Variants in MAF observed in about 807,000 individuals in gnomAD.
MAF encodes transcription factor Maf.
In MAF, 10 loss-of-function variants were observed where a neutral mutation model predicts 22.0. The ratio of observed to expected loss-of-function variants is 0.45; its 90% CI spans 0.28 to 0.77. MAF has a LOEUF of 0.77. Ranked by LOEUF, MAF falls within the 30% of genes least tolerant of loss-of-function variation. MAF has a pLI of 0.12. For missense variants in MAF, 544 were observed against 548.4 expected (o/e 0.99, Z 0.08); for synonymous variants, 337 against 255.8 (o/e 1.32, Z -3.03).
At chr16:79,543,468 C>G in the MAF span, among the ~76,000 whole-genome samples, 2 of 152,176 alleles carry the variant, frequency 1.3e-5, no homozygotes, top group African/African-American at 2.4e-5. Context: ...AGCGGATGTT[C>G]AACAAATGTC....
the MAF span, among the ~76,000 whole-genome samples, chr16:79,548,926 C>T: frequency 6.6e-6 from 1 of 152,182 alleles, no homozygotes; most frequent in Non-Finnish European, 1.5e-5. Context: ...AGGATATTCA[C>T]TAGCTAGTTA....
At chr16:79,266,710 G>A in the MAF span, among the ~76,000 whole-genome samples, 3 of 152,210 alleles carry the variant, frequency 2.0e-5, no homozygotes, top group African/African-American at 7.2e-5. Flanking sequence ...ATTGGGCTGG[G>A]TGGATTTATT....
At chr16:79,321,035 CT>C in the MAF span, among the ~76,000 whole-genome samples, 1 of 152,194 alleles carries the variant, frequency 6.6e-6, no homozygotes, top group African/African-American at 2.4e-5. Context: ...ATCTCGATCT[CT>C]TTTGCTCACT....
the MAF span, among the ~76,000 whole-genome samples, chr16:79,363,197 T>C: frequency 0.034 from 5,064 of 150,314 alleles, 233 homozygotes; most frequent in African/African-American, 0.12. Flanking sequence ...TGAACAAGGG[T>C]AGGGGGGTGG....
chr16:79,573,099 C>G, the MAF span, among the ~76,000 whole-genome samples: 1 of 152,210 alleles, frequency 6.6e-6, no homozygotes, highest in African/African-American at 2.4e-5. Context: ...CCATTCTTCT[C>G]TGGACATTTT....
the MAF span, among the ~76,000 whole-genome samples, chr16:79,552,644 G>C: frequency 6.6e-6 from 1 of 152,034 alleles, no homozygotes; most frequent in Non-Finnish European, 1.5e-5. Context: ...TGGGCCCCTC[G>C]GTGTTCAGGA....
the MAF span, among the ~76,000 whole-genome samples, chr16:79,437,894 G>A: frequency 6.6e-6 from 1 of 152,072 alleles, no homozygotes; most frequent in Non-Finnish European, 1.5e-5. Flanking sequence ...ACCTAGAGTG[G>A]GACACAGGCC....
chr16:79,315,891 G>C, the MAF span, among the ~76,000 whole-genome samples: 1 of 152,130 alleles, frequency 6.6e-6, no homozygotes, highest in African/African-American at 2.4e-5. Flanking sequence ...TGCATGCCTG[G>C]TGCTCCCATC....
At chr16:79,432,224 C>G in the MAF span, among the ~76,000 whole-genome samples, 2 of 152,138 alleles carry the variant, frequency 1.3e-5, no homozygotes, top group Non-Finnish European at 2.9e-5. Flanking sequence ...CATTCTCTCT[C>G]CTGCCGCCCT....
At chr16:79,337,560 T>G in the MAF span, among the ~76,000 whole-genome samples, 1 of 47,166 alleles carries the variant, frequency 2.1e-5, no homozygotes, top group Non-Finnish European at 4.3e-5. Context: ...AGAGCGAGAT[T>G]CCGTCTCAAA....
chr16:79,309,388 T>G, the MAF span, among the ~76,000 whole-genome samples: 1 of 152,180 alleles, frequency 6.6e-6, no homozygotes, highest in East Asian at 1.9e-4. Flanking sequence ...CACCTTCATC[T>G]CTCCAGAAGG....
chr16:79,267,913 C>T, the MAF span, among the ~76,000 whole-genome samples: 140 of 151,856 alleles, frequency 9.2e-4, no homozygotes, highest in African/African-American at 3.1e-3. Context: ...CCACCTGGCC[C>T]GTTCTCAGGT....
At chr16:79,527,290 T>C in the MAF span, among the ~76,000 whole-genome samples, 2 of 152,184 alleles carry the variant, frequency 1.3e-5, no homozygotes, top group African/African-American at 4.8e-5. Flanking sequence ...TGTCTCCAAA[T>C]ATAGCTCTAA....
chr16:79,468,364 C>T, the MAF span, among the ~76,000 whole-genome samples: 1 of 152,232 alleles, frequency 6.6e-6, no homozygotes, highest in Non-Finnish European at 1.5e-5. Context: ...AACTAAAATG[C>T]TGACTCTGCT....
the MAF span, among the ~76,000 whole-genome samples, chr16:79,230,248 T>G: frequency 8.5e-5 from 13 of 152,108 alleles, no homozygotes; most frequent in African/African-American, 3.1e-4. Flanking sequence ...GAAGCTCTCT[T>G]TGGCATTCTG....
At chr16:79,547,112 G>C in the MAF span, among the ~76,000 whole-genome samples, 1 of 152,012 alleles carries the variant, frequency 6.6e-6, no homozygotes, top group Non-Finnish European at 1.5e-5. Context: ...AGCACTGTTG[G>C]GGGAGGCAAT....
the MAF span, among the ~76,000 whole-genome samples, chr16:79,301,345 T>C: frequency 6.6e-6 from 1 of 151,952 alleles, no homozygotes; most frequent in African/African-American, 2.4e-5. Flanking sequence ...CGTTTGTGGA[T>C]TGTAAGTGTG....
chr16:79,544,114 A>G, the MAF span, among the ~76,000 whole-genome samples: 1 of 152,100 alleles, frequency 6.6e-6, no homozygotes, highest in African/African-American at 2.4e-5. Flanking sequence ...AACAAGTGGT[A>G]TGATATGGTC....
At chr16:79,444,528 A>G in the MAF span, among the ~76,000 whole-genome samples, 3 of 152,206 alleles carry the variant, frequency 2.0e-5, no homozygotes, top group African/African-American at 7.2e-5. Context: ...AATTGAATGC[A>G]TCTTAAAGGG....
Sources: allele counts gnomAD v4.1 joint callset (sites outside exome capture counted in the v4.1 genomes callset), GRCh38; gene constraint gnomAD v4.1.1; transcripts MANE v1.5; gene names NCBI Gene and HGNC (gene_info 2026-07-23, HGNC 2026-07-21).